Variants in PLPP3 observed in about 807,000 individuals in gnomAD.
PLPP3 encodes the protein PAP2 beta.
PLPP3 carries 6 observed loss-of-function variants against 29.6 expected under a neutral mutation model. That is an observed-to-expected ratio of 0.20 (90% CI 0.11 to 0.40). The LOEUF (loss-of-function observed/expected upper bound fraction) is 0.40, where lower values mean the gene tolerates loss of function less well. Among genes scored for constraint, PLPP3 ranks in the 10% least tolerant of loss-of-function variants. The pLI is 1.00. For synonymous variants in PLPP3, 152 were observed against 159.7 expected, an observed-to-expected ratio of 0.95 and a Z score of 0.36; for missense variants, 308 against 407.7, an observed-to-expected ratio of 0.76 and a Z score of 2.11.
At chr1:56,539,731 G>C (rs1199574146) in intron 1 of PLPP3, among the ~76,000 whole-genome samples, 1 of 152,166 alleles carries the variant, frequency 6.6e-6, no homozygotes, top group East Asian at 1.9e-4. Context: ...TAGGAGCCTG[G>C]GAGAGAAATC....
chr1:56,578,943 T>G lies in PLPP3; in HGVS notation c.74A>C (p.Asn25Thr), dbSNP rs1034600155. 3 of 1,605,306 alleles carry G rather than the reference T, an allele frequency of 1.9e-6. No homozygotes were observed. In the African/African-American group the frequency reaches 4.1e-5, roughly 22 times the overall value. Residue 25 changes from asparagine (N) to threonine (T), a missense_variant, in exon 1 of 6, where the codon AAC (asparagine) becomes ACC (threonine). Asn to Thr is a moderately conservative substitution (Grantham distance 65). Around this residue, in one of 3 missense-constraint regions of PLPP3, gnomAD observed 67 missense variants for 61.3 expected, o/e 1.09. Transcript: ENST00000371250. ...KNGGSPALNN[N>T]PRRSGSKRVL... ...CCGCTTGCTGCCGCTCCTCCTCGGGTTGTTGTTGAGCGCCGGGCTGCCGCC... is the reference window on the plus strand; with the variant it reads ...CCGCTTGCTGCCGCTCCTCCTCGGGGTGTTGTTGAGCGCCGGGCTGCCGCC...
chr1:56,496,327 C>CACA lies in PLPP3; in HGVS notation c.*221_*223dup. The CACA allele has an allele frequency of 2.2e-6, 1 of 444,486 alleles. No individual in the cohort carries two copies. The highest frequency in any genetic ancestry group is 4.1e-6 in the Non-Finnish European group (1 of 243,486). The allele number at this position is 444,486 out of a possible 1,614,324, so 27.5% of individuals were successfully genotyped here. A position where few individuals can be genotyped will look rare whatever the true frequency, so the allele number is the denominator to read the frequency against. On this transcript the variant is annotated 3_prime_UTR_variant, in exon 6 of 6. Coordinates refer to ENST00000371250, the MANE Select transcript of PLPP3 (RefSeq NM_003713.5). ...AGAACATGAACACTTAAACCAATTG[C>CACA]ACATCCAGGACTCTGGCACTTGGTG...
chr1:56,552,208 A>T (rs1646044027), intron 1 of PLPP3, among the ~76,000 whole-genome samples: 1 of 149,048 alleles, frequency 6.7e-6, no homozygotes, highest in South Asian at 2.2e-4. Flanking sequence ...GCCATTCACC[A>T]TCAGAGGCAC....
intron 1 of PLPP3, among the ~76,000 whole-genome samples, chr1:56,559,040 CT>C (rs1487802690): frequency 6.6e-6 from 1 of 152,154 alleles, no homozygotes; most frequent in African/African-American, 2.4e-5. Context: ...GTTCAAGTGA[CT>C]TGTTTAAGGT....
chr1:56,510,917 G>C (rs543911212), intron 5 of PLPP3, among the ~76,000 whole-genome samples: 1 of 152,276 alleles, frequency 6.6e-6, no homozygotes, highest in South Asian at 2.1e-4. Flanking sequence ...TTACAGAGGA[G>C]CTGGGGAGAG....
At chr1:56,510,749 G>A (rs1475613279) in intron 5 of PLPP3, among the ~76,000 whole-genome samples, 1 of 152,178 alleles carries the variant, frequency 6.6e-6, no homozygotes, top group Non-Finnish European at 1.5e-5. Context: ...CTTTTTGCTT[G>A]TTAGGCACAC....
chr1:56,523,397 G>A (rs534942739), intron 4 of PLPP3, among the ~76,000 whole-genome samples: 1 of 152,206 alleles, frequency 6.6e-6, no homozygotes, highest in Admixed American at 6.5e-5. Flanking sequence ...TCCCACCATA[G>A]ATTTTCAGAA....
chr1:56,573,759 C>T (rs1646216208), intron 1 of PLPP3, among the ~76,000 whole-genome samples: 1 of 152,134 alleles, frequency 6.6e-6, no homozygotes, highest in Admixed American at 6.5e-5. Context: ...AGGGTTTCTC[C>T]ATAAATATAA....
At chr1:56,498,301 T>C (rs1336496492) in intron 5 of PLPP3, among the ~76,000 whole-genome samples, 1 of 152,208 alleles carries the variant, frequency 6.6e-6, no homozygotes, top group Admixed American at 6.5e-5. Flanking sequence ...AACCTGCCAG[T>C]AGGCTCTAGG....
At chr1:56,511,523 C>T (rs779379107) in intron 5 of PLPP3, among the ~76,000 whole-genome samples, 24 of 152,066 alleles carry the variant, frequency 1.6e-4, no homozygotes, top group Non-Finnish European at 2.5e-4. Flanking sequence ...AGTCCCATTG[C>T]GTACTGTGTC....
intron 5 of PLPP3, among the ~76,000 whole-genome samples, chr1:56,506,471 C>T (rs1409844427): frequency 5.9e-5 from 9 of 152,128 alleles, no homozygotes; most frequent in Non-Finnish European, 8.8e-5. Flanking sequence ...CAACGGCAAG[C>T]GGAGCCACAC....
At position 56,555,433 on chromosome 1, in the gene PLPP3, T is replaced by TAAAAAAAAAAAA. The variant is rs66593221; in HGVS notation, c.140-18333_140-18322dup. On this transcript the variant is annotated intron_variant, in intron 1 of 5. Coordinates refer to ENST00000371250, the MANE Select transcript of PLPP3 (RefSeq NM_003713.5). The stretch of plus-strand genomic sequence containing the variant: ...ATGCAGGAGAAGGAAGGCCAAACAC[T>TAAAAAAAAAAAA]AAAAAAAAAAAAAAAAAAAAAAAAA... 2.0e-3 allele frequency among the ~76,000 whole-genome samples: 66 copies of TAAAAAAAAAAAA among 33,194 alleles called. 1 individual carries two copies. Among genetic ancestry groups the TAAAAAAAAAAAA allele is most frequent in the African/African-American group, 2.9e-3 (18 of 6,118 alleles). 21.8% of individuals were successfully genotyped at this position (33,194 alleles called of 152,430 possible).
intron 1 of PLPP3, among the ~76,000 whole-genome samples, chr1:56,559,187 C>T (rs951191942): frequency 3.3e-5 from 5 of 152,118 alleles, no homozygotes; most frequent in African/African-American, 7.2e-5. Flanking sequence ...GAAGAAGGAG[C>T]GGGTGCGTTA....
chr1:56,549,246 G>T (rs796150209), intron 1 of PLPP3, among the ~76,000 whole-genome samples: 5 of 152,262 alleles, frequency 3.3e-5, no homozygotes, highest in African/African-American at 1.2e-4. Flanking sequence ...TTGCCTACTG[G>T]GTAATGGAAG....
chr1:56,500,822 T>C (rs1247360394), intron 5 of PLPP3, among the ~76,000 whole-genome samples: 1 of 151,738 alleles, frequency 6.6e-6, no homozygotes, highest in African/African-American at 2.4e-5. Context: ...CTGGCCAACA[T>C]GGTGAAACCC....
chr1:56,513,590 A>AT (rs1328569602), intron 4 of PLPP3: 1 of 152,224 alleles, frequency 6.6e-6, no homozygotes, highest in African/African-American at 2.4e-5. Flanking sequence ...ATTCTTAGCC[A>AT]TAAGTGTCTA....
intron 1 of PLPP3, chr1:56,538,666 G>T: frequency 3.5e-6 from 1 of 285,324 alleles, no homozygotes; most frequent in South Asian, 4.6e-5. Flanking sequence ...CCAGCATGCC[G>T]TTGGTACTGT....
chr1:56,547,944 CTG>C (rs1646016398), intron 1 of PLPP3, among the ~76,000 whole-genome samples: 1 of 152,178 alleles, frequency 6.6e-6, no homozygotes, highest in African/African-American at 2.4e-5. Context: ...CTTTGAAAAG[CTG>C]TGAGGATGAA....
intron 5 of PLPP3, among the ~76,000 whole-genome samples, chr1:56,502,602 T>G (rs1364546575): frequency 6.6e-6 from 1 of 152,232 alleles, no homozygotes; most frequent in Non-Finnish European, 1.5e-5. Context: ...GATCTGCCAT[T>G]GCATGGCTGT....
Sources: gnomAD v4.1 joint callset for allele counts (sites outside exome capture counted in the v4.1 genomes callset) on GRCh38, gnomAD v4.1.1 for gene constraint, gnomAD v4.1.1 regional missense constraint, MANE v1.5 for transcripts, NCBI Gene and HGNC (gene_info 2026-07-23, HGNC 2026-07-21) for gene names.